ARB2A: variants seen among roughly 807,000 people sequenced by gnomAD.
The protein encoded by ARB2A is ARB2 cotranscriptional regulator A, also known as cotranscriptional regulator ARB2A.
the ARB2A span, among the ~76,000 whole-genome samples, chr5:94,104,846 A>G: frequency 1.3e-5 from 2 of 152,124 alleles, no homozygotes; most frequent in Admixed American, 1.3e-4. Context: ...TTGGGTCAAC[A>G]TATGTAAATC....
At chr5:93,971,482 A>C in the ARB2A span, among the ~76,000 whole-genome samples, 1 of 151,708 alleles carries the variant, frequency 6.6e-6, no homozygotes, top group Non-Finnish European at 1.5e-5. Context: ...CAGGAGAATC[A>C]CTTGAACCTG....
the ARB2A span, among the ~76,000 whole-genome samples, chr5:93,776,951 T>A: frequency 6.6e-6 from 1 of 152,156 alleles, no homozygotes; most frequent in Non-Finnish European, 1.5e-5. Context: ...TTAATGTGAA[T>A]ATTCAAGAAA....
At chr5:93,813,031 T>C in the ARB2A span, among the ~76,000 whole-genome samples, 1 of 152,180 alleles carries the variant, frequency 6.6e-6, no homozygotes, top group South Asian at 2.1e-4. Flanking sequence ...AACATGGCTA[T>C]AGGCAAACCA....
At chr5:93,891,046 CTTTTG>C in the ARB2A span, among the ~76,000 whole-genome samples, 1 of 152,062 alleles carries the variant, frequency 6.6e-6, no homozygotes, top group Non-Finnish European at 1.5e-5. Context: ...TGGACCTTGT[CTTTTG>C]TTTTAAGACT....
chr5:93,621,168 C>CGGGGCCAGGCGCGGTGAGGGCGGCG, the ARB2A span: 2 of 1,535,920 alleles, frequency 1.3e-6, no homozygotes, highest in Admixed American at 1.9e-5. Context: ...GGTGGCCACG[C>CGGGGCCAGGCGCGGTGAGGGCGGCG]GGGGCCAGGC....
the ARB2A span, among the ~76,000 whole-genome samples, chr5:93,681,226 T>C: frequency 2.4e-4 from 37 of 152,284 alleles, no homozygotes; most frequent in Middle Eastern, 6.8e-3. Flanking sequence ...CTCCAGACTG[T>C]TGTAATATTC....
At chr5:93,642,429 G>C in the ARB2A span, among the ~76,000 whole-genome samples, 1 of 152,118 alleles carries the variant, frequency 6.6e-6, no homozygotes, top group Non-Finnish European at 1.5e-5. Flanking sequence ...CTGGAGTGCA[G>C]TGCATGATCT....
chr5:94,069,037 A>AG, the ARB2A span, among the ~76,000 whole-genome samples: 8 of 75,642 alleles, frequency 1.1e-4, no homozygotes, highest in Non-Finnish European at 2.2e-4. Context: ...CTCTGTCTTA[A>AG]AAAGATAGAT....
chr5:93,820,807 G>T, the ARB2A span, among the ~76,000 whole-genome samples: 1 of 152,162 alleles, frequency 6.6e-6, no homozygotes, highest in East Asian at 1.9e-4. Context: ...CAATAGGGTT[G>T]TCTTATCAAA....
At chr5:93,728,789 A>AT in the ARB2A span, among the ~76,000 whole-genome samples, 4 of 152,122 alleles carry the variant, frequency 2.6e-5, no homozygotes, top group Non-Finnish European at 5.9e-5. Flanking sequence ...AGGAAGAATT[A>AT]TTTTTTGTCT....
chr5:93,719,382 T>C, the ARB2A span, among the ~76,000 whole-genome samples: 4 of 152,160 alleles, frequency 2.6e-5, no homozygotes, highest in Non-Finnish European at 4.4e-5. Flanking sequence ...ATTTAAAAGA[T>C]TACAGATCCA....
At chr5:93,733,624 T>G in the ARB2A span, 1 of 152,214 alleles carries the variant, frequency 6.6e-6, no homozygotes, top group Non-Finnish European at 1.5e-5. Context: ...CCAATTCACT[T>G]TCCAATAAAT....
At chr5:93,659,218 A>G in the ARB2A span, among the ~76,000 whole-genome samples, 4 of 151,874 alleles carry the variant, frequency 2.6e-5, no homozygotes, top group African/African-American at 9.7e-5. Context: ...ATCGTTAAAC[A>G]TGTTATATTA....
At chr5:93,764,031 T>C in the ARB2A span, among the ~76,000 whole-genome samples, 1 of 152,180 alleles carries the variant, frequency 6.6e-6, no homozygotes, top group African/African-American at 2.4e-5. Context: ...TCAGAATCTC[T>C]CGGACACATT....
At chr5:93,745,998 G>T in the ARB2A span, among the ~76,000 whole-genome samples, 8 of 152,162 alleles carry the variant, frequency 5.3e-5, 1 homozygote, top group South Asian at 1.7e-3. Flanking sequence ...AGTAATCCAG[G>T]AAAACTCTGG....
chr5:93,795,181 G>A, the ARB2A span, among the ~76,000 whole-genome samples: 1 of 152,132 alleles, frequency 6.6e-6, no homozygotes, highest in African/African-American at 2.4e-5. Context: ...AATATTCCCA[G>A]GGGGATTGTG....
At chr5:93,621,021 C>A in the ARB2A span, 1 of 1,610,672 alleles carries the variant, frequency 6.2e-7, no homozygotes. Flanking sequence ...GTGGGAGCGG[C>A]GCGTCACAGC....
At chr5:93,826,052 A>T in the ARB2A span, among the ~76,000 whole-genome samples, 232 of 152,276 alleles carry the variant, frequency 1.5e-3, 2 homozygotes, top group African/African-American at 5.3e-3. Flanking sequence ...ACCCAAATAA[A>T]TGTATGTCAC....
At chr5:93,971,286 A>G in the ARB2A span, among the ~76,000 whole-genome samples, 8 of 152,000 alleles carry the variant, frequency 5.3e-5, no homozygotes, top group African/African-American at 1.9e-4. Context: ...CACAATATTT[A>G]GCCAGGCACG....
Sources: gnomAD v4.1 joint callset for allele counts (sites outside exome capture counted in the v4.1 genomes callset) on GRCh38, gnomAD v4.1.1 for gene constraint, MANE v1.5 for transcripts, NCBI Gene and HGNC (gene_info 2026-07-23, HGNC 2026-07-21) for gene names.